The following L3MBTL4 variants were observed in gnomAD, a reference collection of about 807,000 sequenced individuals.
L3MBTL4 encodes lethal(3)malignant brain tumor-like protein 4.
Under a neutral mutation model 84.5 loss-of-function variants are expected in L3MBTL4, and 70 were observed. The observed-to-expected ratio is 0.83, with a 90% confidence interval of 0.68 to 1.01. The LOEUF (loss-of-function observed/expected upper bound fraction) is 1.01, where lower values mean the gene tolerates loss of function less well. Among genes scored for constraint, L3MBTL4 ranks in the 50% least tolerant of loss-of-function variants. The pLI, the probability that L3MBTL4 is intolerant of heterozygous loss-of-function variation, is 0.00. For synonymous variants in L3MBTL4, 274 were observed against 259.8 expected, an observed-to-expected ratio of 1.05 and a Z score of -0.52; for missense variants, 715 against 754.8, an observed-to-expected ratio of 0.95 and a Z score of 0.62.
intron 13 of L3MBTL4, among the ~76,000 whole-genome samples, chr18:6,164,494 C>T (rs559200250): frequency 3.9e-5 from 6 of 152,298 alleles, no homozygotes; most frequent in South Asian, 2.1e-4. Flanking sequence ...TCCAGAGGAA[C>T]GATCAGGCAG....
rs147665602 is a variant in L3MBTL4, at chr18:6,251,357, C to G, written c.220-6769G>C. ...GCCAGAAACCTAGAATGGTTAGATA[C>G]AATTTTCTCAGTAAGAGAAAGGAAG... On this transcript the variant is annotated intron_variant, in intron 5 of 18. Coordinates refer to ENST00000317931, the MANE Select transcript of L3MBTL4 (RefSeq NM_001330559.2). Among the ~76,000 whole-genome samples the G allele has an allele frequency of 3.3e-4, 50 of 152,274 alleles. No homozygotes were observed. In the East Asian group the frequency reaches 9.1e-3, roughly 28 times the overall value.
At chr18:6,013,963 A>C (rs1325495172) in intron 16 of L3MBTL4, among the ~76,000 whole-genome samples, 1 of 152,134 alleles carries the variant, frequency 6.6e-6, no homozygotes, top group Non-Finnish European at 1.5e-5. Context: ...AGCCACTCTG[A>C]GGGCAGGCAG....
rs573503497 is a variant in L3MBTL4 at position 5,970,822 on chromosome 18, G to A, written c.1445-1260C>T. Among the ~76,000 whole-genome samples the A allele has an allele frequency of 9.8e-4, 149 of 152,286 alleles. 1 individual carries two copies. The highest frequency in any genetic ancestry group is 8.1e-3 in the South Asian group (39 of 4,826). Reference sequence around the variant, plus strand: ...AGCTTTTAGTAGGTGAGGCTGACCTGCATGATCACAGTCACATATACTCAT... The same window carrying A: ...AGCTTTTAGTAGGTGAGGCTGACCTACATGATCACAGTCACATATACTCAT... On this transcript the variant is annotated intron_variant, in intron 16 of 18. Coordinates refer to ENST00000317931, the MANE Select transcript of L3MBTL4 (RefSeq NM_001330559.2).
chr18:6,170,737 T>C (rs999557035), intron 13 of L3MBTL4, among the ~76,000 whole-genome samples: 19 of 151,880 alleles, frequency 1.3e-4, no homozygotes, highest in African/African-American at 4.6e-4. Flanking sequence ...CAGGGGTGTA[T>C]TGGGGGGGGT....
At chr18:6,053,525 G>A (rs1315218560) in intron 16 of L3MBTL4, among the ~76,000 whole-genome samples, 1 of 152,154 alleles carries the variant, frequency 6.6e-6, no homozygotes, top group Non-Finnish European at 1.5e-5. Context: ...TCGCAACCTT[G>A]CACAAAGATT....
intron 12 of L3MBTL4, among the ~76,000 whole-genome samples, chr18:6,177,729 A>T (rs1230155059): frequency 6.6e-6 from 1 of 152,216 alleles, no homozygotes; most frequent in Non-Finnish European, 1.5e-5. Flanking sequence ...AGACATAGCC[A>T]GGCACCCTAG....
intron 16 of L3MBTL4, among the ~76,000 whole-genome samples, chr18:5,984,565 TA>T (rs1020574406): frequency 1.1e-4 from 16 of 152,348 alleles, no homozygotes; most frequent in African/African-American, 3.1e-4. Flanking sequence ...GATAACTGAA[TA>T]TTTTTTTGGG....
intron 12 of L3MBTL4, among the ~76,000 whole-genome samples, chr18:6,182,052 C>T (rs535185217): frequency 5.3e-4 from 80 of 152,278 alleles, no homozygotes; most frequent in African/African-American, 1.8e-3. Flanking sequence ...AATTCTGCTT[C>T]GAGTTCTTTG....
intron 13 of L3MBTL4, among the ~76,000 whole-genome samples, chr18:6,142,286 A>T (rs951416079): frequency 3.3e-5 from 5 of 152,216 alleles, no homozygotes; most frequent in African/African-American, 9.6e-5. Flanking sequence ...GGAACAGGTG[A>T]GTGTTCCACA....
intron 18 of L3MBTL4, among the ~76,000 whole-genome samples, chr18:5,957,647 C>A (rs1334897062): frequency 6.6e-6 from 1 of 151,922 alleles, no homozygotes; most frequent in Non-Finnish European, 1.5e-5. Flanking sequence ...GGTTCTAAAC[C>A]TTTTCAAATT....
chr18:6,169,982 T>G (rs1474299937), intron 13 of L3MBTL4, among the ~76,000 whole-genome samples: 1 of 152,178 alleles, frequency 6.6e-6, no homozygotes, highest in African/African-American at 2.4e-5. Flanking sequence ...CATTATTTCC[T>G]GAGAGAAGAT....
At chr18:6,235,048 C>A (rs1599270194) in intron 10 of L3MBTL4, among the ~76,000 whole-genome samples, 2 of 152,130 alleles carry the variant, frequency 1.3e-5, no homozygotes, top group East Asian at 3.9e-4. Flanking sequence ...AACCATCATT[C>A]TGAGCAAACT....
rs1430659140 is a variant in L3MBTL4 at position 6,163,593 on chromosome 18, T to G, written c.1096+8235A>C. 2.0e-5 allele frequency among the ~76,000 whole-genome samples: 3 copies of G among 152,042 alleles called. No individual in the cohort carries two copies. The East Asian group carries it at 5.8e-4, about 29-fold the overall frequency. On this transcript the variant is annotated intron_variant, in intron 13 of 18. Transcript: ENST00000317931. ...AATTACAAGTTGTCTTTCCCCCAAATTCTAGGGACTGTAATTACCTGTCTG... is the reference window on the plus strand; with the variant it reads ...AATTACAAGTTGTCTTTCCCCCAAAGTCTAGGGACTGTAATTACCTGTCTG...
intron 12 of L3MBTL4, among the ~76,000 whole-genome samples, chr18:6,172,487 A>C (rs1483686785): frequency 6.6e-6 from 1 of 152,166 alleles, no homozygotes; most frequent in East Asian, 1.9e-4. Flanking sequence ...AGGTAGATAG[A>C]TTTTAATAGC....
chr18:5,961,876 A>G (rs1212444747), intron 17 of L3MBTL4, among the ~76,000 whole-genome samples: 2 of 152,230 alleles, frequency 1.3e-5, no homozygotes, highest in Admixed American at 1.3e-4. Context: ...CAAGCTGCAG[A>G]GACAGGGCAA....
intron 1 of L3MBTL4, among the ~76,000 whole-genome samples, chr18:6,344,349 G>A (rs2052766590): frequency 1.3e-5 from 2 of 152,104 alleles, no homozygotes; most frequent in African/African-American, 4.8e-5. Context: ...TGAACATAAA[G>A]AAATAGAGAA....
intron 13 of L3MBTL4, among the ~76,000 whole-genome samples, chr18:6,143,919 T>C (rs72874081): frequency 0.14 from 20,972 of 152,070 alleles, 1,548 homozygotes; most frequent in Middle Eastern, 0.22. Flanking sequence ...CAGCAACGGC[T>C]GGGCGCGGTG....
At chr18:6,117,213 G>T (rs1195913596) in intron 14 of L3MBTL4, among the ~76,000 whole-genome samples, 1 of 152,196 alleles carries the variant, frequency 6.6e-6, no homozygotes, top group Admixed American at 6.6e-5. Flanking sequence ...ACAGGTGACT[G>T]ACAAAGGTGG....
At chr18:6,136,550 C>A (rs1297324705) in intron 14 of L3MBTL4, among the ~76,000 whole-genome samples, 6 of 152,180 alleles carry the variant, frequency 3.9e-5, no homozygotes, top group African/African-American at 1.4e-4. Context: ...CAGATGTTTG[C>A]ATAGGAGTGT....
Sources: gnomAD v4.1 joint callset for allele counts (sites outside exome capture counted in the v4.1 genomes callset) on GRCh38, gnomAD v4.1.1 for gene constraint, MANE v1.5 for transcripts, NCBI Gene and HGNC (gene_info 2026-07-23, HGNC 2026-07-21) for gene names.